Variants in SLC4A4 observed in about 807,000 individuals in gnomAD.
SLC4A4 encodes the protein solute carrier family 4 member 4, also known as electrogenic sodium bicarbonate cotransporter 1.
Under a neutral mutation model 111.5 loss-of-function variants are expected in SLC4A4, and 27 were observed. That is an observed-to-expected ratio of 0.24 (90% confidence interval 0.18 to 0.33). The LOEUF is 0.33. Ranked by LOEUF, SLC4A4 falls within the 10% of genes least tolerant of loss-of-function variation. The probability of loss-of-function intolerance (pLI) is 1.00; values close to 1 mark genes in which losing one functional copy is unlikely to be tolerated. For synonymous variants in SLC4A4, 443 were observed against 463.4 expected, an observed-to-expected ratio of 0.96 and a Z score of 0.57; for missense variants, 909 against 1,315.5, an observed-to-expected ratio of 0.69 and a Z score of 4.78.
chr4:71,295,603 A>T (rs1472147544), intron 3 of SLC4A4, among the ~76,000 whole-genome samples: 1 of 152,102 alleles, frequency 6.6e-6, no homozygotes, highest in Non-Finnish European at 1.5e-5. Context: ...TATTTATTGC[A>T]GCATCTGCTC....
At chr4:71,472,278 G>C (rs190442033) in intron 13 of SLC4A4, among the ~76,000 whole-genome samples, 1 of 151,760 alleles carries the variant, frequency 6.6e-6, no homozygotes, top group East Asian at 1.9e-4. Context: ...TCAGTAGACC[G>C]TGATGACATA....
At chr4:71,234,623 C>T (rs1331875794) in intron 1 of SLC4A4, among the ~76,000 whole-genome samples, 3 of 152,242 alleles carry the variant, frequency 2.0e-5, no homozygotes, top group African/African-American at 7.2e-5. Flanking sequence ...CGGGGTTTCA[C>T]TGTGTTAGTC....
At chr4:71,086,785 T>A (rs995949230) in intron 1 of SLC4A4, among the ~76,000 whole-genome samples, 9 of 152,110 alleles carry the variant, frequency 5.9e-5, no homozygotes, top group Non-Finnish European at 8.8e-5. Context: ...AGCTTCTTGA[T>A]GGGCTGCTGG....
chr4:71,402,076 A>G (rs1720415825), intron 7 of SLC4A4, among the ~76,000 whole-genome samples: 1 of 152,194 alleles, frequency 6.6e-6, no homozygotes, highest in Non-Finnish European at 1.5e-5. Context: ...ATGTTTAAAT[A>G]TATTTTGCTG....
intron 13 of SLC4A4, 146 bp from the exon 14 acceptor site, chr4:71,472,553 C>T: frequency 2.6e-6 from 2 of 780,300 alleles, no homozygotes; most frequent in South Asian, 1.7e-5. Context: ...AAACTTAGTG[C>T]TTTCTGGCTA....
At chr4:71,183,007 G>A (rs558552467), upstream of SLC4A4, among the ~76,000 whole-genome samples, 5 of 152,258 alleles carry the variant, frequency 3.3e-5, no homozygotes, top group East Asian at 3.9e-4. Flanking sequence ...CAGAGCTTTC[G>A]TAATAAATAT....
intron 6 of SLC4A4, among the ~76,000 whole-genome samples, chr4:71,359,556 G>T (rs146374944): frequency 1.3e-5 from 2 of 152,134 alleles, no homozygotes; most frequent in African/African-American, 4.8e-5. Context: ...GAAAGTTTGC[G>T]TAGTTACCTT....
intron 1 of SLC4A4, among the ~76,000 whole-genome samples, chr4:71,218,973 C>G (rs1435020468): frequency 6.6e-6 from 1 of 152,000 alleles, no homozygotes; most frequent in Non-Finnish European, 1.5e-5. Context: ...CCCTTGTATC[C>G]CATCAATGTC....
intron 3 of SLC4A4, among the ~76,000 whole-genome samples, chr4:71,312,136 A>G (rs1726241809): frequency 6.6e-6 from 1 of 152,234 alleles, no homozygotes; most frequent in African/African-American, 2.4e-5. Flanking sequence ...AGAGAATACT[A>G]TAAACACCTC....
At chr4:71,488,996 A>G (rs980878783) in intron 15 of SLC4A4, among the ~76,000 whole-genome samples, 1 of 151,078 alleles carries the variant, frequency 6.6e-6, no homozygotes, top group Non-Finnish European at 1.5e-5. Flanking sequence ...ACCCGTATTT[A>G]TATGTTGTGT....
chr4:71,509,201 GAT>G (rs1267805753), intron 16 of SLC4A4, among the ~76,000 whole-genome samples: 1 of 152,164 alleles, frequency 6.6e-6, no homozygotes. Flanking sequence ...ACAAGACAAA[GAT>G]GCCCTGTCTC....
At chr4:71,277,606 CCT>C (rs1215116758) in intron 3 of SLC4A4, among the ~76,000 whole-genome samples, 2 of 136,820 alleles carry the variant, frequency 1.5e-5, no homozygotes, top group East Asian at 6.0e-4. Context: ...CTCTCTCTCT[CCT>C]TCCTTCCTTC....
chr4:71,571,517 T>G lies in SLC4A4; in HGVS notation c.*3766T>G, dbSNP rs2149265769. 6.6e-6 allele frequency: 1 copy of G among 152,336 alleles called. No homozygotes were observed. The highest frequency in any genetic ancestry group is 2.1e-4 in the South Asian group (1 of 4,832). 9.4% of individuals were successfully genotyped at this position (152,336 alleles called of 1,614,324 possible). A position where few individuals can be genotyped will look rare whatever the true frequency, so the allele number is the denominator to read the frequency against. The stretch of plus-strand genomic sequence containing the variant: ...TAATACGCCAACCAGTCAAGTTGTG[T>G]TTTGGCCAGAGATTTAGATATGTCC... On this transcript the variant is annotated 3_prime_UTR_variant, in exon 26 of 26. Transcript: ENST00000264485.
chr4:71,207,221 C>T (rs1717828047), intron 1 of SLC4A4, among the ~76,000 whole-genome samples: 3 of 152,162 alleles, frequency 2.0e-5, no homozygotes, highest in Admixed American at 1.3e-4. Context: ...GGCTCTATTC[C>T]AAACACTATG....
chr4:71,561,151 ATTG>A (rs1430753808), intron 23 of SLC4A4, among the ~76,000 whole-genome samples: 1 of 151,762 alleles, frequency 6.6e-6, no homozygotes. Flanking sequence ...AAGTAGGAAT[ATTG>A]TTAATTGTTA....
chr4:71,176,542 C>T (rs899282828), intron 2 of SLC4A4, among the ~76,000 whole-genome samples: 1 of 152,162 alleles, frequency 6.6e-6, no homozygotes, highest in Admixed American at 6.5e-5. Flanking sequence ...GCACAAGCCT[C>T]AGTAGCCGAT....
intron 2 of SLC4A4, among the ~76,000 whole-genome samples, chr4:71,158,745 T>C (rs975950350): frequency 6.6e-6 from 1 of 152,194 alleles, no homozygotes; most frequent in Non-Finnish European, 1.5e-5. Flanking sequence ...TCATCTCTCT[T>C]TGCCACTCAT....
At chr4:71,541,166 A>G (rs1338610645) in intron 18 of SLC4A4, among the ~76,000 whole-genome samples, 1 of 152,150 alleles carries the variant, frequency 6.6e-6, no homozygotes, top group African/African-American at 2.4e-5. Flanking sequence ...GGAGGCTCTG[A>G]TGTAGAAACT....
chr4:71,551,145 G>A (rs1735963099), intron 20 of SLC4A4, among the ~76,000 whole-genome samples: 1 of 151,822 alleles, frequency 6.6e-6, no homozygotes, highest in African/African-American at 2.4e-5. Context: ...GCACTTCCTT[G>A]AGCTTACTTT....
Sources: gnomAD v4.1 joint callset for allele counts (sites outside exome capture counted in the v4.1 genomes callset) on GRCh38, gnomAD v4.1.1 for gene constraint, MANE v1.5 for transcripts, NCBI Gene and HGNC (gene_info 2026-07-23, HGNC 2026-07-21) for gene names.